The following SCMH1 variants were observed in gnomAD, a reference collection of about 807,000 sequenced individuals.
SCMH1 encodes Scm polycomb group protein homolog 1.
SCMH1 carries 37 observed loss-of-function variants against 70.8 expected under a neutral mutation model. The observed-to-expected ratio is 0.52, with a 90% confidence interval of 0.40 to 0.69. The LOEUF is 0.69. SCMH1 is among the 30% of genes least tolerant of loss of function. The pLI is 0.00. For synonymous variants in SCMH1, 292 were observed against 307.4 expected, an observed-to-expected ratio of 0.95 and a Z score of 0.52; for missense variants, 607 against 827.3, an observed-to-expected ratio of 0.73 and a Z score of 3.27.
chr1:41,192,261 T>A (rs1651889408), intron 1 of SCMH1, among the ~76,000 whole-genome samples: 1 of 152,148 alleles, frequency 6.6e-6, no homozygotes, highest in Non-Finnish European at 1.5e-5. Flanking sequence ...TTACTTGGAC[T>A]AAGTACCTTA....
intron 8 of SCMH1, among the ~76,000 whole-genome samples, chr1:41,112,480 A>C (rs988977450): frequency 2.0e-5 from 3 of 152,020 alleles, no homozygotes; most frequent in African/African-American, 7.2e-5. Flanking sequence ...TTTATTGTTC[A>C]TTTAGTCTGT....
At chr1:41,035,402 G>A (rs1477790881) in intron 13 of SCMH1, among the ~76,000 whole-genome samples, 1 of 152,160 alleles carries the variant, frequency 6.6e-6, no homozygotes, top group East Asian at 1.9e-4. Flanking sequence ...CATAGCTTGT[G>A]CAAACTGGCC....
chr1:41,230,934 C>T (rs1661182515), intron 1 of SCMH1, among the ~76,000 whole-genome samples: 1 of 152,090 alleles, frequency 6.6e-6, no homozygotes, highest in Non-Finnish European at 1.5e-5. Context: ...CGAAGTTAAC[C>T]AGAGTAGATT....
At chr1:41,224,848 G>A (rs762225366) in intron 1 of SCMH1, among the ~76,000 whole-genome samples, 11 of 152,104 alleles carry the variant, frequency 7.2e-5, no homozygotes, top group Non-Finnish European at 4.4e-5. Context: ...AATGTCAGTT[G>A]TTCCTTTATT....
intron 12 of SCMH1, chr1:41,043,867 TAAATG>T (rs895123405): frequency 1.3e-5 from 2 of 152,080 alleles, no homozygotes; most frequent in African/African-American, 2.4e-5. Flanking sequence ...GTTCAGTAAA[TAAATG>T]AAAAACATTT....
chr1:41,228,680 G>GA (rs1660729382), intron 1 of SCMH1, among the ~76,000 whole-genome samples: 1 of 151,916 alleles, frequency 6.6e-6, no homozygotes, highest in East Asian at 1.9e-4. Flanking sequence ...AGGTACTTAG[G>GA]AGGCTGCAGT....
chr1:41,031,671 T>G (rs1644545132), intron 13 of SCMH1, among the ~76,000 whole-genome samples: 1 of 152,272 alleles, frequency 6.6e-6, no homozygotes, highest in East Asian at 1.9e-4. Flanking sequence ...AAAAGTCTAC[T>G]GTGATGCTAA....
intron 4 of SCMH1, among the ~76,000 whole-genome samples, chr1:41,159,325 TCC>T (rs1341972550): frequency 6.6e-6 from 1 of 152,188 alleles, no homozygotes; most frequent in Non-Finnish European, 1.5e-5. Context: ...ATTTCACAAC[TCC>T]CCATCAACAG....
chr1:41,135,324 A>G (rs1262962666), intron 6 of SCMH1, among the ~76,000 whole-genome samples: 1 of 152,158 alleles, frequency 6.6e-6, no homozygotes, highest in Non-Finnish European at 1.5e-5. Flanking sequence ...CTCATCTTGA[A>G]TTGTAGTTCC....
At chr1:41,133,889 T>A (rs1413225586) in intron 6 of SCMH1, among the ~76,000 whole-genome samples, 2 of 152,136 alleles carry the variant, frequency 1.3e-5, no homozygotes, top group African/African-American at 2.4e-5. Flanking sequence ...TCTGAAAGGA[T>A]TCGAAGCAAA....
chr1:41,220,306 T>C (rs1658986613), intron 1 of SCMH1, among the ~76,000 whole-genome samples: 1 of 152,224 alleles, frequency 6.6e-6, no homozygotes, highest in Non-Finnish European at 1.5e-5. Flanking sequence ...TACCAGAGTT[T>C]ATGTACATGT....
At chr1:41,214,172 A>G (rs1326574691) in intron 1 of SCMH1, among the ~76,000 whole-genome samples, 1 of 152,152 alleles carries the variant, frequency 6.6e-6, no homozygotes, top group African/African-American at 2.4e-5. Flanking sequence ...ATCAGTGAAC[A>G]TTAAGCCTGA....
intron 1 of SCMH1, among the ~76,000 whole-genome samples, chr1:41,232,798 G>A (rs546618750): frequency 1.3e-5 from 2 of 152,198 alleles, no homozygotes; most frequent in East Asian, 3.9e-4. Flanking sequence ...ATACATTTTG[G>A]AATAAGGCAA....
At chr1:41,124,090 A>G (rs1672587953) in intron 6 of SCMH1, among the ~76,000 whole-genome samples, 1 of 152,074 alleles carries the variant, frequency 6.6e-6, no homozygotes, top group Admixed American at 6.5e-5. Context: ...AAAAGTTATA[A>G]ACCTAGAGAA....
At position 41,113,302 on chromosome 1, in the gene SCMH1, C is replaced by T; in HGVS notation, c.726G>A (p.Leu242=). 1.2e-6 allele frequency: 2 copies of T among 1,613,514 alleles called. No individual in the cohort carries two copies. The highest frequency in any genetic ancestry group is 1.1e-5 in the South Asian group (1 of 91,034). ...CTTTACCTTTGGTGCCAGGAGGCTG[C>T]AGGTTGTCTCCAGTCAAGGAACACC... is the stretch of plus-strand genomic sequence containing the variant. The change falls in exon 8 of 15, where the codon CTG becomes CTA. Residue 242 remains leucine, a synonymous_variant. Transcript: ENST00000337495. This position sits in a 1 kb window ranked among gnomAD's most constrained non-coding sequence, Gnocchi z 4.3.
At chr1:41,220,985 T>A (rs1040011629) in intron 1 of SCMH1, among the ~76,000 whole-genome samples, 6 of 111,196 alleles carry the variant, frequency 5.4e-5, no homozygotes, top group Non-Finnish European at 7.1e-5. Flanking sequence ...TCATCTTTTT[T>A]AATTGTCAAA....
At chr1:41,091,025 C>T (rs886985200) in intron 8 of SCMH1, among the ~76,000 whole-genome samples, 11 of 120,384 alleles carry the variant, frequency 9.1e-5, no homozygotes, top group African/African-American at 3.3e-4. Flanking sequence ...GGCGAAAGAG[C>T]GAGACTCCGT....
At chr1:41,155,939 C>T (rs1221860570) in intron 4 of SCMH1, among the ~76,000 whole-genome samples, 13 of 136,222 alleles carry the variant, frequency 9.5e-5, no homozygotes, top group African/African-American at 5.8e-5. Flanking sequence ...GAGCTAAGAT[C>T]GCACCACTGC....
At chr1:41,028,420 G>T (rs1017252237) in intron 14 of SCMH1, 101 bp from the exon 16 acceptor site, 3 of 1,530,968 alleles carry the variant, frequency 2.0e-6, no homozygotes, top group African/African-American at 1.4e-5. Flanking sequence ...CCTGGGAAGT[G>T]CCCGCCACAT....
Sources: gnomAD v4.1 joint callset for allele counts (sites outside exome capture counted in the v4.1 genomes callset) on GRCh38, gnomAD v4.1.1 for gene constraint, Gnocchi (gnomAD v3.1) non-coding constraint, MANE v1.5 for transcripts, NCBI Gene and HGNC (gene_info 2026-07-23, HGNC 2026-07-21) for gene names.